The following BFSP1 variants were observed in gnomAD, a reference collection of about 807,000 sequenced individuals.
The protein encoded by BFSP1 is filensin.
Under a neutral mutation model 43.9 loss-of-function variants are expected in BFSP1, and 38 were observed. The ratio of observed to expected loss-of-function variants is 0.87; its 90% confidence interval spans 0.67 to 1.14. The LOEUF is 1.14. Ranked by LOEUF, BFSP1 falls within the 50% of genes most tolerant of loss-of-function variation. The pLI, the probability that BFSP1 is intolerant of heterozygous loss-of-function variation, is 0.00. For missense variants in BFSP1, 850 were observed against 875.1 expected (o/e 0.97, Z 0.36); for synonymous variants, 352 against 354.8 (o/e 0.99, Z 0.09).
Position 17,531,309 on chromosome 20 carries a change from G to C in BFSP1, c.21C>G (p.Val7=), listed in dbSNP as rs764863815. Residue 7 remains valine, a synonymous_variant, in exon 1 of 8, where the codon GTC becomes GTG. Transcript: ENST00000377873. ...CGTACTGCTCCTTGCGGGTCTGGAA[G>C]ACGTAGCTGCGCCGGTACATGGCTG... MYRRSY[V]FQTRKEQYEH... The C allele has an allele frequency of 6.8e-7, 1 of 1,470,312 alleles. No individual in the cohort carries two copies. The highest frequency in any genetic ancestry group is 2.4e-5 in the Admixed American group (1 of 41,482). The allele number at this position is 1,470,312 out of a possible 1,614,324, so 91.1% of individuals were successfully genotyped here.
At position 17,525,242 on chromosome 20, in the gene BFSP1, T is replaced by G. The variant is rs1040510268; in HGVS notation, c.378-334A>C. Among the ~76,000 whole-genome samples, 3 of 152,150 alleles carry G rather than the reference T, an allele frequency of 2.0e-5. No individual in the cohort carries two copies. The highest frequency in any genetic ancestry group is 4.4e-5 in the Non-Finnish European group (3 of 68,024). On this transcript the variant is annotated intron_variant, in intron 1 of 7. Coordinates refer to ENST00000377873, the MANE Select transcript of BFSP1 (RefSeq NM_001195.5). The surrounding 1 kb of genome is among the most constrained non-coding windows in gnomAD (Gnocchi z 4.2). ...TATCCTAGCCTATCTATAACCCAAG[T>G]GCAGCAGTGGCAGAGATGGGAGACT...
chr20:17,495,047 C>T lies in BFSP1; in HGVS notation c.1043-18G>A, dbSNP rs752028712. On this transcript the variant is annotated intron_variant, in intron 7 of 7. Coordinates refer to ENST00000377873, the MANE Select transcript of BFSP1 (RefSeq NM_001195.5). ...GGTAAGATCTGGAAAAACACACAGG[C>T]AGAAATTCAAGTATAATTGTCACTG... 1.3e-6 allele frequency: 2 copies of T among 1,578,766 alleles called. No individual in the cohort carries two copies. Among genetic ancestry groups the T allele is most frequent in the Non-Finnish European group, 1.7e-6 (2 of 1,160,920 alleles).
At chr20:17,528,971 C>A (rs1402624856) in intron 1 of BFSP1, among the ~76,000 whole-genome samples, 1 of 152,160 alleles carries the variant, frequency 6.6e-6, no homozygotes, top group Non-Finnish European at 1.5e-5. Context: ...AGCTTCTGGG[C>A]CCCTCTTGAG....
intron 1 of BFSP1, among the ~76,000 whole-genome samples, chr20:17,542,133 G>C (rs1234250130): frequency 6.6e-6 from 1 of 152,100 alleles, no homozygotes; most frequent in Non-Finnish European, 1.5e-5. Flanking sequence ...CTGCAGGAGT[G>C]TTCTGGAGTT....
chr20:17,500,230 A>G (rs1361879328), intron 5 of BFSP1, among the ~76,000 whole-genome samples: 1 of 152,248 alleles, frequency 6.6e-6, no homozygotes, highest in African/African-American at 2.4e-5. Context: ...ACAGTACATT[A>G]ATCAGAGCAA....
At chr20:17,563,011 G>T (rs2035080796), upstream of BFSP1, 1 of 152,270 alleles carries the variant, frequency 6.6e-6, no homozygotes, top group Admixed American at 6.5e-5. Flanking sequence ...CAAGTGCTGT[G>T]TCATGCGGCC....
chr20:17,554,951 A>G lies in BFSP1; in HGVS notation c.2+3737T>C, dbSNP rs534159563. 5.3e-5 allele frequency among the ~76,000 whole-genome samples: 8 copies of G among 152,316 alleles called. No homozygotes were observed. The South Asian group carries it at 1.7e-3, about 32-fold the overall frequency. ...AAACAATAATGAATTATAATTAACT[A>G]AAAATCACAAAATACCTTGAAATAA... On this transcript the variant is annotated intron_variant, in intron 1 of 7. Coordinates refer to the BFSP1 transcript ENST00000377868.
chr20:17,527,865 TTA>T (rs2034456044), intron 1 of BFSP1, among the ~76,000 whole-genome samples: 1 of 152,260 alleles, frequency 6.6e-6, no homozygotes, highest in Non-Finnish European at 1.5e-5. Context: ...TAAATTATTT[TTA>T]GTTTTCAACA....
At chr20:17,502,310 G>A (rs2033823309) in intron 5 of BFSP1, among the ~76,000 whole-genome samples, 1 of 152,210 alleles carries the variant, frequency 6.6e-6, no homozygotes, top group African/African-American at 2.4e-5. Flanking sequence ...GTCACTCCAT[G>A]GGGGTCTTGC....
chr20:17,546,515 A>C (rs774740271), intron 1 of BFSP1, among the ~76,000 whole-genome samples: 17 of 152,188 alleles, frequency 1.1e-4, no homozygotes, highest in Non-Finnish European at 1.5e-4. Context: ...AGCCTGGACC[A>C]ACATGTTGAA....
intron 2 of BFSP1, chr20:17,516,908 G>A (rs538703528): frequency 7.5e-5 from 52 of 691,712 alleles, no homozygotes; most frequent in South Asian, 2.8e-4. Context: ...CCTCAGATAC[G>A]ATAGAAAATA....
At position 17,553,425 on chromosome 20, in the gene BFSP1, T is replaced by C. The variant is rs143098363; in HGVS notation, c.2+5263A>G. 6.2e-3 allele frequency among the ~76,000 whole-genome samples: 950 copies of C among 152,250 alleles called. 2 individuals carry two copies. The highest frequency in any genetic ancestry group is 0.017 in the Middle Eastern group (5 of 294). On this transcript the variant is annotated intron_variant, in intron 1 of 7. Coordinates refer to the BFSP1 transcript ENST00000377868. ...CTCAATGAAAGAACAATTACTTCAA[T>C]CAACAACTTCAACAAATATTTAGTG...
intron 1 of BFSP1, among the ~76,000 whole-genome samples, chr20:17,566,723 C>A (rs540759865): frequency 5.3e-5 from 8 of 152,296 alleles, no homozygotes; most frequent in African/African-American, 1.9e-4. Flanking sequence ...GGCACGATCT[C>A]AGCTCACTGC....
intron 1 of BFSP1, among the ~76,000 whole-genome samples, chr20:17,567,044 T>G (rs1395911947): frequency 6.6e-6 from 1 of 152,158 alleles, no homozygotes; most frequent in Non-Finnish European, 1.5e-5. Context: ...TCAAATACCA[T>G]CACATTGGGG....
chr20:17,506,463 T>G (rs1375350632), intron 5 of BFSP1, among the ~76,000 whole-genome samples: 1 of 152,134 alleles, frequency 6.6e-6, no homozygotes, highest in Non-Finnish European at 1.5e-5. Flanking sequence ...TATAAGCACA[T>G]CTGTCATTTT....
chr20:17,534,742 G>A (rs547760709), upstream of BFSP1, among the ~76,000 whole-genome samples: 44 of 152,354 alleles, frequency 2.9e-4, no homozygotes, highest in Admixed American at 2.2e-3. Context: ...GTATAGGGCC[G>A]AGTGTGGTGG....
At chr20:17,528,583 C>G (rs1370543892) in intron 1 of BFSP1, among the ~76,000 whole-genome samples, 1 of 152,214 alleles carries the variant, frequency 6.6e-6, no homozygotes, top group African/African-American at 2.4e-5. Context: ...AACGGATTAT[C>G]TCAAGATACA....
At chr20:17,511,371 T>G (rs1418354447) in intron 4 of BFSP1, among the ~76,000 whole-genome samples, 1 of 152,228 alleles carries the variant, frequency 6.6e-6, no homozygotes, top group Non-Finnish European at 1.5e-5. Flanking sequence ...TATTCACTAA[T>G]TATCTGAGAT....
chr20:17,505,177 C>A (rs552858882), intron 5 of BFSP1, among the ~76,000 whole-genome samples: 1 of 152,190 alleles, frequency 6.6e-6, no homozygotes, highest in Non-Finnish European at 1.5e-5. Context: ...GGGGCTCTTA[C>A]GGGTATATGT....
Sources: gnomAD v4.1 joint callset for allele counts (sites outside exome capture counted in the v4.1 genomes callset) on GRCh38, gnomAD v4.1.1 for gene constraint, Gnocchi (gnomAD v3.1) non-coding constraint, MANE v1.5 for transcripts, NCBI Gene and HGNC (gene_info 2026-07-23, HGNC 2026-07-21) for gene names.